Variants in PTTG1IP2 observed in about 807,000 individuals in gnomAD.
PTTG1IP2 encodes PTTG1IP family member 2.
At chr7:90,494,913 G>A (rs1370925365) in intron 6 of PTTG1IP2, among the ~76,000 whole-genome samples, 1 of 152,122 alleles carries the variant, frequency 6.6e-6, no homozygotes, top group Non-Finnish European at 1.5e-5. Context: ...AGGAGGCTGA[G>A]GTGGGAGGAT....
intron 2 of PTTG1IP2, among the ~76,000 whole-genome samples, chr7:90,485,547 G>A (rs1198577761): frequency 6.6e-6 from 1 of 152,150 alleles, no homozygotes; most frequent in Non-Finnish European, 1.5e-5. Context: ...GGAGGATAGT[G>A]GCCAATAGTC....
At chr7:90,472,279 A>AACACACACACAC (rs144907444) in intron 1 of PTTG1IP2, among the ~76,000 whole-genome samples, 6 of 137,936 alleles carry the variant, frequency 4.3e-5, no homozygotes, top group African/African-American at 1.3e-4. Flanking sequence ...ATAGCATGCA[A>AACACACACACAC]ACACACACAC....
At chr7:90,496,626 T>C (rs1797994779) in intron 6 of PTTG1IP2, among the ~76,000 whole-genome samples, 2 of 152,124 alleles carry the variant, frequency 1.3e-5, no homozygotes. Flanking sequence ...ATTTTTTAAC[T>C]CTTCTTACTA....
chr7:90,492,130 C>T, intron 4 of PTTG1IP2, 109 bp from the exon 5 acceptor site: 1 of 151,484 alleles, frequency 6.6e-6, no homozygotes, highest in South Asian at 2.1e-4. Flanking sequence ...GACTCTGTCT[C>T]AAAAATAATA....
At chr7:90,483,166 T>C (rs1258472104) in intron 2 of PTTG1IP2, among the ~76,000 whole-genome samples, 4 of 152,242 alleles carry the variant, frequency 2.6e-5, no homozygotes, top group Admixed American at 1.3e-4. Context: ...GGAATAAATA[T>C]ATGGACAACC....
intron 1 of PTTG1IP2, among the ~76,000 whole-genome samples, chr7:90,472,315 CACACA>C (rs1584689679): frequency 5.0e-5 from 5 of 100,230 alleles, no homozygotes; most frequent in East Asian, 6.4e-4. Flanking sequence ...CACACACACA[CACACA>C]CCCCAAATAA....
intron 2 of PTTG1IP2, among the ~76,000 whole-genome samples, chr7:90,484,111 T>C (rs985233385): frequency 1.3e-5 from 2 of 151,938 alleles, no homozygotes; most frequent in Non-Finnish European, 2.9e-5. Context: ...AAGAAGCTCA[T>C]GTTCTTTACT....
chr7:90,484,881 G>A (rs1029935562), intron 2 of PTTG1IP2, among the ~76,000 whole-genome samples: 7 of 152,114 alleles, frequency 4.6e-5, no homozygotes, highest in Non-Finnish European at 1.0e-4. Context: ...TTTTTCTCTT[G>A]TGGTAAATGG....
At chr7:90,472,440 A>G (rs1328843438) in intron 1 of PTTG1IP2, among the ~76,000 whole-genome samples, 1 of 152,334 alleles carries the variant, frequency 6.6e-6, no homozygotes, top group Admixed American at 6.5e-5. Context: ...CTCGAAGTCG[A>G]TAGCAAGATA....
chr7:90,499,985 G>T (rs968830285), intron 6 of PTTG1IP2, among the ~76,000 whole-genome samples: 17 of 152,064 alleles, frequency 1.1e-4, no homozygotes, highest in Admixed American at 6.5e-4. Context: ...AGGCCAAGGG[G>T]GGCAGATCAC....
chr7:90,492,844 T>G (rs1346746153), intron 5 of PTTG1IP2, among the ~76,000 whole-genome samples: 2 of 152,192 alleles, frequency 1.3e-5, no homozygotes. Flanking sequence ...TTCATCTACC[T>G]AGTTCCTTGG....
Position 90,472,303 on chromosome 7 carries a change from CA to C in PTTG1IP2, c.145+2373del, listed in dbSNP as rs1797699776. ...AAACACACACACACACACACACACA[CA>C]CACACACACACACACACCCCAAATA... On this transcript the variant is annotated intron_variant, in intron 1 of 6. Coordinates refer to ENST00000509356, the MANE Select transcript of PTTG1IP2 (RefSeq NM_001365443.2). Among the ~76,000 whole-genome samples the C allele has an allele frequency of 5.1e-4, 76 of 149,038 alleles. 1 individual carries two copies. The highest frequency in any genetic ancestry group is 3.4e-3 in the Middle Eastern group (1 of 294).
intron 4 of PTTG1IP2, among the ~76,000 whole-genome samples, chr7:90,491,292 C>T (rs900205374): frequency 1.3e-5 from 2 of 152,168 alleles, no homozygotes; most frequent in African/African-American, 4.8e-5. Context: ...TTATTATCCA[C>T]TAAGCAATGT....
At chr7:90,486,699 G>A (rs530540008) in intron 2 of PTTG1IP2, among the ~76,000 whole-genome samples, 1 of 152,092 alleles carries the variant, frequency 6.6e-6, no homozygotes, top group Non-Finnish European at 1.5e-5. Context: ...GGGGATGCAG[G>A]CAAGAGGAAT....
intron 6 of PTTG1IP2, among the ~76,000 whole-genome samples, chr7:90,505,775 G>C (rs1174524128): frequency 6.6e-6 from 1 of 151,760 alleles, no homozygotes. Flanking sequence ...ATGAGGTCAG[G>C]AGATCGAGAC....
intron 1 of PTTG1IP2, among the ~76,000 whole-genome samples, chr7:90,471,085 A>G (rs1797681607): frequency 6.6e-6 from 1 of 152,236 alleles, no homozygotes; most frequent in African/African-American, 2.4e-5. Flanking sequence ...GGGCTGGCCA[A>G]CTGGAGCCCA....
chr7:90,506,950 C>G (rs1379409960), intron 6 of PTTG1IP2, among the ~76,000 whole-genome samples: 1 of 152,028 alleles, frequency 6.6e-6, no homozygotes, highest in Admixed American at 6.6e-5. Flanking sequence ...AGGTTTCAGG[C>G]AAAACTTAAT....
At position 90,500,754 on chromosome 7, in the gene PTTG1IP2, T is replaced by C. The variant is rs17867284; in HGVS notation, c.*50+6324T>C. On this transcript the variant is annotated intron_variant, in intron 6 of 6. Coordinates refer to ENST00000509356, the MANE Select transcript of PTTG1IP2 (RefSeq NM_001365443.2). The stretch of plus-strand genomic sequence containing the variant: ...ATGTGGGAGGCCCTCCAAAAGGAGA[T>C]TTAACCTTAAGTGAGGTGGCTGGCT... Among the ~76,000 whole-genome samples the C allele has an allele frequency of 3.5e-4, 54 of 152,288 alleles. No homozygotes were observed. The East Asian group carries it at 0.01, about 29-fold the overall frequency.
intron 1 of PTTG1IP2, among the ~76,000 whole-genome samples, chr7:90,473,692 C>T (rs902618007): frequency 6.6e-6 from 1 of 152,030 alleles, no homozygotes; most frequent in African/African-American, 2.4e-5. Flanking sequence ...TCCTTTAGTC[C>T]ACCAAATCTG....
Sources: allele counts gnomAD v4.1 joint callset (sites outside exome capture counted in the v4.1 genomes callset), GRCh38; gene constraint gnomAD v4.1.1; transcripts MANE v1.5; gene names NCBI Gene and HGNC (gene_info 2026-07-23, HGNC 2026-07-21).